The following ITPRID1 variants were observed in gnomAD, a reference collection of about 807,000 sequenced individuals.
ITPRID1 encodes the protein ITPR interacting domain containing 1, also known as protein ITPRID1.
A neutral mutation model predicts 95.4 loss-of-function variants in ITPRID1; 96 were observed. The observed-to-expected ratio is 1.01, with a 90% CI of 0.85 to 1.19. The LOEUF is 1.19. Among genes scored for constraint, ITPRID1 ranks in the 50% most tolerant of loss-of-function variants. The pLI is 0.00. For missense variants in ITPRID1, 1,339 were observed against 1,252.9 expected (o/e 1.07, Z -1.04); for synonymous variants, 510 against 453.6 (o/e 1.12, Z -1.58).
At chr7:31,554,262 G>T (rs1784376620) in intron 3 of ITPRID1, 1 of 703,264 alleles carries the variant, frequency 1.4e-6, no homozygotes, top group African/African-American at 1.8e-5. Flanking sequence ...TTAAGTTACA[G>T]TCTTTTGACA....
chr7:31,628,143 G>T (rs751430092), intron 10 of ITPRID1, among the ~76,000 whole-genome samples: 2 of 152,192 alleles, frequency 1.3e-5, no homozygotes, highest in African/African-American at 2.4e-5. Flanking sequence ...AATAAAGGAC[G>T]GCAGCCATTT....
At chr7:31,546,023 A>G (rs1015311174) in intron 1 of ITPRID1, among the ~76,000 whole-genome samples, 2 of 152,096 alleles carry the variant, frequency 1.3e-5, no homozygotes, top group South Asian at 2.1e-4. Context: ...AAAATGTCTT[A>G]TAATGTGAAC....
intron 10 of ITPRID1, among the ~76,000 whole-genome samples, chr7:31,583,667 C>A (rs1785487910): frequency 6.6e-6 from 1 of 152,060 alleles, no homozygotes; most frequent in Non-Finnish European, 1.5e-5. Context: ...ACTGGCAATG[C>A]AAATGTACAT....
chr7:31,576,511 G>A lies in ITPRID1; in HGVS notation c.599-1352G>A, dbSNP rs764306241. Among the ~76,000 whole-genome samples, 98 of 152,232 alleles carry A rather than the reference G, an allele frequency of 6.4e-4. 1 individual carries two copies. The highest frequency in any genetic ancestry group is 2.0e-3 in the African/African-American group (85 of 41,558). On this transcript the variant is annotated intron_variant, in intron 8 of 14. Transcript: ENST00000615280. Reference sequence around the variant, plus strand: ...TATCATTCAATTGTACCCTCTGATCGCAAAAGAGATTCAGTTTCAACTACA... The same window carrying A: ...TATCATTCAATTGTACCCTCTGATCACAAAAGAGATTCAGTTTCAACTACA...
chr7:31,537,228 G>A lies in ITPRID1; in HGVS notation c.-97-12198G>A, dbSNP rs1203985742. On this transcript the variant is annotated intron_variant, in intron 1 of 14. Coordinates refer to ENST00000615280, the MANE Select transcript of ITPRID1 (RefSeq NM_001257967.3). ...CTTCCTGGTGAATACTCACATAAAG[G>A]TCATAGAAGAGAGATTGTGAGTGGC... 3.3e-5 allele frequency among the ~76,000 whole-genome samples: 5 copies of A among 151,842 alleles called. No individual in the cohort carries two copies. In the East Asian group the frequency reaches 9.7e-4, roughly 30 times the overall value.
chr7:31,620,155 C>T (rs1352132143), intron 10 of ITPRID1, among the ~76,000 whole-genome samples: 1 of 152,174 alleles, frequency 6.6e-6, no homozygotes, highest in Admixed American at 6.5e-5. Context: ...CTGCCTGCCT[C>T]TGCAGGCTCC....
chr7:31,531,332 A>G (rs962017104), intron 1 of ITPRID1, among the ~76,000 whole-genome samples: 1 of 152,224 alleles, frequency 6.6e-6, no homozygotes, highest in Non-Finnish European at 1.5e-5. Flanking sequence ...AGTACAAAAT[A>G]AAATATTTTT....
At chr7:31,540,800 G>A (rs1783909385) in intron 1 of ITPRID1, among the ~76,000 whole-genome samples, 1 of 152,072 alleles carries the variant, frequency 6.6e-6, no homozygotes, top group Non-Finnish European at 1.5e-5. Context: ...TTGGGTTCCC[G>A]GCCTGTCAGA....
intron 1 of ITPRID1, among the ~76,000 whole-genome samples, chr7:31,524,194 C>T (rs1187727722): frequency 6.6e-6 from 1 of 152,180 alleles, no homozygotes; most frequent in East Asian, 1.9e-4. Context: ...AGGATTCTCC[C>T]TTTCAACCAA....
rs1367310199 is a variant in ITPRID1, at chr7:31,655,674, C to A, written c.*2845C>A. The stretch of plus-strand genomic sequence containing the variant: ...CCTTTTTGCCACATCCCCATCTTGG[C>A]TCCTATATCATGGCTCAGCTCCCAG... On this transcript the variant is annotated 3_prime_UTR_variant, in exon 15 of 15. Coordinates refer to ENST00000615280, the MANE Select transcript of ITPRID1 (RefSeq NM_001257967.3). 2 of 939,060 alleles carry A rather than the reference C, an allele frequency of 2.1e-6. No homozygotes were observed. The highest frequency in any genetic ancestry group is 2.5e-6 in the Non-Finnish European group (2 of 787,414). The allele number at this position is 939,060 out of a possible 1,614,324, so 58.2% of individuals were successfully genotyped here.
chr7:31,548,788 G>A (rs1043163815), intron 1 of ITPRID1, among the ~76,000 whole-genome samples: 1 of 152,090 alleles, frequency 6.6e-6, no homozygotes, highest in South Asian at 2.1e-4. Context: ...TGGTACTGAG[G>A]TTTGTGGTAA....
At chr7:31,532,637 G>A (rs1302119711) in intron 1 of ITPRID1, among the ~76,000 whole-genome samples, 1 of 152,152 alleles carries the variant, frequency 6.6e-6, no homozygotes, top group Non-Finnish European at 1.5e-5. Context: ...CTGTTTTTAT[G>A]ATGAATTTTG....
chr7:31,518,929 A>C (rs1440239722), intron 1 of ITPRID1, among the ~76,000 whole-genome samples: 1 of 152,218 alleles, frequency 6.6e-6, no homozygotes, highest in East Asian at 1.9e-4. Context: ...AAGTTGGGCA[A>C]GTCACATAAT....
At chr7:31,611,873 G>A (rs1401317820) in intron 10 of ITPRID1, among the ~76,000 whole-genome samples, 1 of 151,728 alleles carries the variant, frequency 6.6e-6, no homozygotes, top group African/African-American at 2.4e-5. Flanking sequence ...GAGCTTTTTG[G>A]TTCTGTACAT....
chr7:31,528,537 T>A (rs1321926283), intron 1 of ITPRID1, among the ~76,000 whole-genome samples: 1 of 152,156 alleles, frequency 6.6e-6, no homozygotes, highest in Non-Finnish European at 1.5e-5. Flanking sequence ...CTTGACACAC[T>A]CCTGGGCTCC....
intron 1 of ITPRID1, among the ~76,000 whole-genome samples, chr7:31,519,638 AT>A (rs1562543195): frequency 6.1e-5 from 8 of 130,318 alleles, no homozygotes; most frequent in African/African-American, 2.3e-4. Context: ...ATATATATAT[AT>A]ATATATAAAT....
At position 31,642,747 on chromosome 7, in the gene ITPRID1, C is replaced by A. The variant is rs1046629010; in HGVS notation, c.1377C>A (p.Ser459Arg). The A allele has an allele frequency of 3.1e-6, 5 of 1,613,898 alleles. No homozygotes were observed. The African/African-American group carries it at 6.7e-5, about 22-fold the overall frequency. ...ENGGRKPRDQSHSLVSSQDCQ... is the reference protein window; with the variant it reads ...ENGGRKPRDQRHSLVSSQDCQ... ...GAGGTAGAAAGCCAAGAGATCAGAG[C>A]CACAGCTTAGTATCATCCCAGGACT... Residue 459 changes from serine to arginine, a missense_variant, in exon 12 of 15, where the codon AGC (serine) becomes AGA (arginine). Physicochemically the swap from Ser to Arg is moderately radical, Grantham distance 110. Transcript: ENST00000615280.
At chr7:31,545,351 A>C (rs1784062945) in intron 1 of ITPRID1, among the ~76,000 whole-genome samples, 1 of 152,046 alleles carries the variant, frequency 6.6e-6, no homozygotes, top group Non-Finnish European at 1.5e-5. Flanking sequence ...TGGATCACAG[A>C]TGCCCTCTCA....
Position 31,578,316 on chromosome 7 carries a change from G to C in ITPRID1, c.1052G>C (p.Cys351Ser). Residue 351 changes from cysteine to serine, a missense_variant, in exon 9 of 15, where the codon TGT becomes TCT. Cys to Ser is a moderately radical substitution (Grantham distance 112, BLOSUM62 -1). Transcript: ENST00000615280. ...CCGGCCAAGCAGGCTCCTCCTTCCT[G>C]TGTGTCTGAGGGGTCAGTCAAGGGC... The part of the protein sequence containing the change: ...SMPAKQAPPS[C>S]VSEGSVKGRT... 2 of 1,613,910 alleles carry C rather than the reference G, an allele frequency of 1.2e-6. No homozygotes were observed. The highest frequency in any genetic ancestry group is 2.2e-5 in the East Asian group (1 of 44,862).
Sources: gnomAD v4.1 joint callset for allele counts (sites outside exome capture counted in the v4.1 genomes callset) on GRCh38, gnomAD v4.1.1 for gene constraint, MANE v1.5 for transcripts, NCBI Gene and HGNC (gene_info 2026-07-23, HGNC 2026-07-21) for gene names.